The following CYP19A1 variants were observed in gnomAD, a reference collection of about 807,000 sequenced individuals.
The protein encoded by CYP19A1 is aromatase.
In CYP19A1, 32 loss-of-function variants were observed where a neutral mutation model predicts 44.4. That is an observed-to-expected ratio of 0.72 (90% CI 0.54 to 0.97). The LOEUF (loss-of-function observed/expected upper bound fraction) is 0.97. Ranked by LOEUF, CYP19A1 falls within the 50% of genes least tolerant of loss-of-function variation. The pLI is 0.00. For missense variants in CYP19A1, 598 were observed against 637.8 expected (o/e 0.94, Z 0.67); for synonymous variants, 212 against 215.6 (o/e 0.98, Z 0.14).
chr15:51,268,603 ACTTCT>A (rs1295396800), intron 1 of CYP19A1, among the ~76,000 whole-genome samples: 4 of 144,970 alleles, frequency 2.8e-5, no homozygotes, highest in Admixed American at 7.3e-5. Flanking sequence ...CATATATTTC[ACTTCT>A]CTTGAGTAAA....
At chr15:51,246,592 C>G (rs2034065957) in intron 1 of CYP19A1, among the ~76,000 whole-genome samples, 1 of 152,212 alleles carries the variant, frequency 6.6e-6, no homozygotes, top group Admixed American at 6.5e-5. Context: ...TCTGGGGACA[C>G]AGCAGAGCCC....
intron 4 of CYP19A1, among the ~76,000 whole-genome samples, chr15:51,224,258 T>C (rs568517376): frequency 2.0e-5 from 3 of 152,262 alleles, no homozygotes; most frequent in Admixed American, 2.0e-4. Context: ...ATGTTACTGA[T>C]TTAGATACTA....
intron 1 of CYP19A1, among the ~76,000 whole-genome samples, chr15:51,261,005 A>G (rs2034695889): frequency 6.6e-6 from 1 of 152,052 alleles, no homozygotes; most frequent in African/African-American, 2.4e-5. Context: ...CAGACCCACC[A>G]TTGACTCCCA....
chr15:51,287,562 C>A (rs1595759485), intron 1 of CYP19A1, among the ~76,000 whole-genome samples: 3 of 152,348 alleles, frequency 2.0e-5, no homozygotes, highest in South Asian at 4.1e-4. Context: ...CAGAAGGCAG[C>A]CTCTCCCATG....
intron 1 of CYP19A1, among the ~76,000 whole-genome samples, chr15:51,308,121 G>A (rs1452436383): frequency 6.6e-6 from 1 of 152,222 alleles, no homozygotes; most frequent in Non-Finnish European, 1.5e-5. Flanking sequence ...GCTCTGGGAT[G>A]CAACATGCAG....
At chr15:51,303,179 T>C (rs1030470126) in intron 1 of CYP19A1, among the ~76,000 whole-genome samples, 12 of 152,048 alleles carry the variant, frequency 7.9e-5, no homozygotes, top group African/African-American at 2.7e-4. Flanking sequence ...GGAGATGGGG[T>C]GGGCAGATGT....
chr15:51,223,319 C>T (rs1287970313), intron 4 of CYP19A1, among the ~76,000 whole-genome samples: 5 of 152,014 alleles, frequency 3.3e-5, no homozygotes, highest in African/African-American at 1.2e-4. Flanking sequence ...TTACTCTTGC[C>T]CTGTTCATAT....
At chr15:51,218,516 A>C (rs750336987) in intron 6 of CYP19A1, 25 bp downstream of exon 6, 1 of 1,602,154 alleles carries the variant, frequency 6.2e-7, no homozygotes, top group African/African-American at 1.3e-5. Flanking sequence ...TGTACTCATA[A>C]ATCTTCCAAA....
At chr15:51,306,394 GT>G (rs1319187830) in intron 1 of CYP19A1, among the ~76,000 whole-genome samples, 1 of 151,592 alleles carries the variant, frequency 6.6e-6, no homozygotes, top group East Asian at 1.9e-4. Context: ...AGCAGTTTTT[GT>G]TTTTTTGTTT....
At chr15:51,271,258 T>A (rs1243317770) in intron 1 of CYP19A1, among the ~76,000 whole-genome samples, 1 of 152,180 alleles carries the variant, frequency 6.6e-6, no homozygotes, top group Admixed American at 6.5e-5. Flanking sequence ...TTAGAGATGC[T>A]CTTTCAAGCA....
At chr15:51,247,941 A>G (rs1452988004) in intron 1 of CYP19A1, among the ~76,000 whole-genome samples, 9 of 152,048 alleles carry the variant, frequency 5.9e-5, no homozygotes, top group Admixed American at 5.9e-4. Flanking sequence ...GTTAATTTTT[A>G]TAATGGGCCT....
chr15:51,267,359 A>G (rs951037300), intron 1 of CYP19A1, among the ~76,000 whole-genome samples: 1 of 152,084 alleles, frequency 6.6e-6, no homozygotes, highest in Non-Finnish European at 1.5e-5. Flanking sequence ...AAAAAGCAGG[A>G]AAAAGCCTTT....
chr15:51,264,761 C>T (rs905118594), intron 1 of CYP19A1, among the ~76,000 whole-genome samples: 1 of 152,084 alleles, frequency 6.6e-6, no homozygotes, highest in Non-Finnish European at 1.5e-5. Flanking sequence ...TTGGTTACAG[C>T]GGTGGCACAC....
At chr15:51,317,274 AT>A (rs974912766) in intron 1 of CYP19A1, among the ~76,000 whole-genome samples, 5 of 151,178 alleles carry the variant, frequency 3.3e-5, no homozygotes, top group Non-Finnish European at 7.4e-5. Context: ...GCTAATTATT[AT>A]TTTTTTTGTA....
intron 1 of CYP19A1, among the ~76,000 whole-genome samples, chr15:51,261,563 G>A (rs905688561): frequency 6.6e-6 from 1 of 152,212 alleles, no homozygotes; most frequent in Non-Finnish European, 1.5e-5. Context: ...TTCTTCAAAT[G>A]TATGGGTTTT....
At chr15:51,320,859 C>T (rs1366938386) in intron 1 of CYP19A1, 1 of 152,224 alleles carries the variant, frequency 6.6e-6, no homozygotes, top group Non-Finnish European at 1.5e-5. Context: ...GAAATTATTT[C>T]ATCATGTAAT....
chr15:51,293,055 A>T (rs953736102), intron 1 of CYP19A1, among the ~76,000 whole-genome samples: 6 of 152,068 alleles, frequency 3.9e-5, no homozygotes, highest in Non-Finnish European at 8.8e-5. Flanking sequence ...GAGCTGTGGG[A>T]ACAAGGAACA....
intron 7 of CYP19A1, 140 bp downstream of exon 7, chr15:51,215,563 A>G (rs1237391807): frequency 5.9e-6 from 9 of 1,533,164 alleles, no homozygotes; most frequent in Non-Finnish European, 7.9e-6. Context: ...TGTGTGGGCT[A>G]TTTGGATTGG....
intron 1 of CYP19A1, among the ~76,000 whole-genome samples, chr15:51,323,103 T>C (rs1056797774): frequency 1.3e-5 from 2 of 152,360 alleles, no homozygotes; most frequent in Non-Finnish European, 2.9e-5. Flanking sequence ...GCCTTCTTCC[T>C]GTTTTCCCTT....
Sources: gnomAD v4.1 joint callset for allele counts (sites outside exome capture counted in the v4.1 genomes callset) on GRCh38, gnomAD v4.1.1 for gene constraint, MANE v1.5 for transcripts, NCBI Gene and HGNC (gene_info 2026-07-23, HGNC 2026-07-21) for gene names.